CDH18: variants seen among roughly 807,000 people sequenced by gnomAD.
CDH18 encodes the protein cadherin-18.
In CDH18, 31 loss-of-function variants were observed where a neutral mutation model predicts 67.9. That is an observed-to-expected ratio of 0.46 (90% CI 0.34 to 0.62). CDH18 has a LOEUF of 0.62. Among genes scored for constraint, CDH18 ranks in the 20% least tolerant of loss-of-function variants. CDH18 has a pLI of 0.01. For synonymous variants in CDH18, 362 were observed against 347.2 expected (o/e 1.04, Z -0.48); for missense variants, 890 against 975.5 (o/e 0.91, Z 1.17).
At chr5:19,732,435 G>C (rs1030118383) in intron 4 of CDH18, among the ~76,000 whole-genome samples, 1 of 151,956 alleles carries the variant, frequency 6.6e-6, no homozygotes, top group African/African-American at 2.4e-5. Flanking sequence ...CCACATGACA[G>C]AGTGAGAGCA....
chr5:19,487,972 T>C (rs893493872), intron 11 of CDH18, among the ~76,000 whole-genome samples: 1 of 152,172 alleles, frequency 6.6e-6, no homozygotes, highest in Admixed American at 6.5e-5. Flanking sequence ...TAAAATATAT[T>C]GTTAGGTAGT....
intron 2 of CDH18, among the ~76,000 whole-genome samples, chr5:19,872,797 CAAAATAG>C (rs2150026309): frequency 6.6e-6 from 1 of 152,186 alleles, no homozygotes; most frequent in Non-Finnish European, 1.5e-5. Context: ...ATTTGTTACA[CAAAATAG>C]AAAATTAATA....
chr5:20,566,585 C>T (rs1466940720), intron 1 of CDH18, among the ~76,000 whole-genome samples: 1 of 146,456 alleles, frequency 6.8e-6, no homozygotes, highest in Non-Finnish European at 1.5e-5. Context: ...CCATGTTGGC[C>T]GAGATGGTCT....
chr5:19,497,591 G>C (rs1300533313), intron 11 of CDH18, among the ~76,000 whole-genome samples: 1 of 152,176 alleles, frequency 6.6e-6, no homozygotes, highest in African/African-American at 2.4e-5. Context: ...GGAAAGATCC[G>C]ACAAAACCAT....
intron 1 of CDH18, among the ~76,000 whole-genome samples, chr5:20,370,907 G>A (rs1742937809): frequency 6.6e-6 from 1 of 151,944 alleles, no homozygotes; most frequent in African/African-American, 2.4e-5. Context: ...TGTGGTGGCA[G>A]GCATCTGTAA....
intron 4 of CDH18, among the ~76,000 whole-genome samples, chr5:19,734,517 A>G (rs1170523038): frequency 6.6e-6 from 1 of 151,598 alleles, no homozygotes; most frequent in Non-Finnish European, 1.5e-5. Flanking sequence ...AAAATTCACC[A>G]AAGGCCTTAT....
chr5:20,040,426 A>G (rs1740319258), intron 2 of CDH18, among the ~76,000 whole-genome samples: 1 of 152,138 alleles, frequency 6.6e-6, no homozygotes, highest in African/African-American at 2.4e-5. Context: ...AAATACTGTG[A>G]ACAGTAAGGT....
In CDH18 at chr5:20,526,568, C is replaced by T. The variant is rs555146783; in HGVS notation, c.-580+48894G>A. 6.6e-5 allele frequency among the ~76,000 whole-genome samples: 10 copies of T among 152,182 alleles called. No individual in the cohort carries two copies. In the South Asian group the frequency reaches 1.2e-3, roughly 19 times the overall value. On this transcript the variant is annotated intron_variant, in intron 1 of 14. Coordinates refer to the CDH18 transcript ENST00000507958. ...AGCTTCCGGAGGAAGGAGCAGGGAGCAACCTTTGCTGTTCTGCAGCCTCCA... is the reference window on the plus strand; with the variant it reads ...AGCTTCCGGAGGAAGGAGCAGGGAGTAACCTTTGCTGTTCTGCAGCCTCCA...
intron 2 of CDH18, among the ~76,000 whole-genome samples, chr5:20,252,481 T>C (rs1743933613): frequency 6.6e-6 from 1 of 152,204 alleles, no homozygotes; most frequent in African/African-American, 2.4e-5. Flanking sequence ...TAAGGGCTTT[T>C]GTGTTAGTAA....
At chr5:20,142,192 A>C (rs980729257) in intron 2 of CDH18, among the ~76,000 whole-genome samples, 1 of 152,122 alleles carries the variant, frequency 6.6e-6, no homozygotes, top group African/African-American at 2.4e-5. Flanking sequence ...TGTAATATTT[A>C]ATGTTACAAA....
chr5:19,477,164 A>G (rs1037300386), intron 12 of CDH18, among the ~76,000 whole-genome samples: 4 of 149,466 alleles, frequency 2.7e-5, no homozygotes, highest in African/African-American at 9.7e-5. Context: ...ATATGTATAA[A>G]ATCAAAATCT....
At chr5:20,450,108 C>T (rs559757793) in intron 1 of CDH18, among the ~76,000 whole-genome samples, 1 of 151,942 alleles carries the variant, frequency 6.6e-6, no homozygotes, top group Non-Finnish European at 1.5e-5. Flanking sequence ...GAGGCTGAGG[C>T]GGGTGGATCA....
chr5:20,555,460 T>A, intron 1 of CDH18, among the ~76,000 whole-genome samples: 1 of 120,866 alleles, frequency 8.3e-6, no homozygotes, highest in Non-Finnish European at 1.7e-5. Context: ...TCTTTTTTCT[T>A]TGAGACAGAT....
intron 3 of CDH18, among the ~76,000 whole-genome samples, chr5:19,831,397 T>C (rs1400523352): frequency 6.6e-6 from 1 of 151,668 alleles, no homozygotes; most frequent in Non-Finnish European, 1.5e-5. Context: ...CTAGAATCTG[T>C]AAGGAACATA....
At chr5:20,358,262 A>G (rs2150067663) in intron 1 of CDH18, among the ~76,000 whole-genome samples, 1 of 152,332 alleles carries the variant, frequency 6.6e-6, no homozygotes, top group Non-Finnish European at 1.5e-5. Flanking sequence ...ATCATAAAAT[A>G]TAACCATGTA....
rs750128791 is a variant in CDH18 at position 19,473,688 on chromosome 5, C to A, written c.1911G>T (p.Arg637Ser). Residue 637 changes from arginine (R) to serine (S), a missense_variant, in exon 13 of 13, where the codon AGG becomes AGT. Arg to Ser is a moderately radical substitution (Grantham distance 110). Around this residue, in one of 2 missense-constraint regions of CDH18, gnomAD observed 656 missense variants for 668.1 expected, o/e 0.98. Transcript: ENST00000382275. The stretch of plus-strand genomic sequence containing the variant: ...TGATCAAGGGCTCTTTTTTGCTGCG[C>A]CTCAGGGTGATAAAAAGTACCACAA... ...LAIVVLFITLRRSKKEPLIIS... is the reference protein window; with the variant it reads ...LAIVVLFITLSRSKKEPLIIS... The A allele has an allele frequency of 1.9e-6, 3 of 1,606,898 alleles. No individual in the cohort carries two copies. The highest frequency in any genetic ancestry group is 2.6e-6 in the Non-Finnish European group (3 of 1,176,418).
At chr5:19,606,553 G>T (rs1330529322) in intron 6 of CDH18, among the ~76,000 whole-genome samples, 1 of 151,886 alleles carries the variant, frequency 6.6e-6, no homozygotes, top group Admixed American at 6.6e-5. Context: ...TAATAGATGG[G>T]TTTAATTGCT....
intron 1 of CDH18, among the ~76,000 whole-genome samples, chr5:20,457,322 T>C (rs1189287299): frequency 6.6e-6 from 1 of 152,196 alleles, no homozygotes; most frequent in Non-Finnish European, 1.5e-5. Context: ...ACCTCTGACT[T>C]ATAAAAGAAG....
intron 5 of CDH18, among the ~76,000 whole-genome samples, chr5:19,633,848 C>G (rs1404635208): frequency 6.6e-6 from 1 of 151,992 alleles, no homozygotes; most frequent in Non-Finnish European, 1.5e-5. Flanking sequence ...CCCAGGCTGG[C>G]CTCGAACTCC....
Sources: allele counts gnomAD v4.1 joint callset (sites outside exome capture counted in the v4.1 genomes callset), GRCh38; gene constraint gnomAD v4.1.1; regional missense constraint gnomAD v4.1.1; transcripts MANE v1.5; gene names NCBI Gene and HGNC (gene_info 2026-07-23, HGNC 2026-07-21).